ANAPC7: variants seen among roughly 807,000 people sequenced by gnomAD.
ANAPC7 encodes anaphase promoting complex subunit 7.
ANAPC7 carries 25 observed loss-of-function variants against 63.3 expected under a neutral mutation model. The observed-to-expected ratio is 0.39, with a 90% CI of 0.29 to 0.55. The LOEUF (loss-of-function observed/expected upper bound fraction) is 0.55, where lower values mean the gene tolerates loss of function less well. ANAPC7 is among the 20% of genes least tolerant of loss of function. The pLI, the probability that ANAPC7 is intolerant of heterozygous loss-of-function variation, is 0.57. For missense variants in ANAPC7, 516 were observed against 691.7 expected, an observed-to-expected ratio of 0.75 and a Z score of 2.85; for synonymous variants, 241 against 251.7, an observed-to-expected ratio of 0.96 and a Z score of 0.40.
chr12:110,382,463 T>TATATATATATAC (rs1882009614), intron 7 of ANAPC7, among the ~76,000 whole-genome samples: 2 of 77,244 alleles, frequency 2.6e-5, no homozygotes, highest in Admixed American at 1.5e-4. Context: ...AAAAAAAAAA[T>TATATATATATAC]ATATATATAT....
intron 1 of ANAPC7, among the ~76,000 whole-genome samples, chr12:110,403,153 T>C (rs932587493): frequency 2.0e-5 from 3 of 152,134 alleles, no homozygotes; most frequent in African/African-American, 7.2e-5. Flanking sequence ...GCTGGGTCCC[T>C]GAGCTGCAGC....
Position 110,381,116 on chromosome 12 carries a change from A to G in ANAPC7, c.1132+636T>C, listed in dbSNP as rs1881804143. 2.6e-5 allele frequency among the ~76,000 whole-genome samples: 4 copies of G among 151,886 alleles called. 1 individual carries two copies. The South Asian group carries it at 8.3e-4, about 32-fold the overall frequency. On this transcript the variant is annotated intron_variant, in intron 8 of 10. Coordinates refer to ENST00000455511, the MANE Select transcript of ANAPC7 (RefSeq NM_016238.3). ...CACCAAAAACCAGAAAAAAAATCAG[A>G]AAAAATGGATTATGAAAGTATGGGG...
At chr12:110,382,456 AAAAAAATATATAT>A (rs1395147851) in intron 7 of ANAPC7, among the ~76,000 whole-genome samples, 32 of 86,174 alleles carry the variant, frequency 3.7e-4, no homozygotes, top group African/African-American at 9.9e-4. Flanking sequence ...AAAAAAAAAA[AAAAAAATATATAT>A]ATATATATAT....
chr12:110,387,701 G>C, intron 5 of ANAPC7, 38 bp downstream of exon 5: 1 of 1,573,108 alleles, frequency 6.4e-7, no homozygotes, highest in Non-Finnish European at 8.7e-7. Context: ...GACAAGCAAA[G>C]GGCCTCAAGA....
intron 5 of ANAPC7, chr12:110,386,805 A>G (rs1882493777): frequency 5.3e-6 from 1 of 189,848 alleles, no homozygotes; most frequent in South Asian, 1.3e-4. Context: ...CACAAGCCCA[A>G]GTCTCTTCTT....
chr12:110,388,548 G>A lies in ANAPC7; in HGVS notation c.484C>T (p.Leu162=). The A allele has an allele frequency of 6.2e-7, 1 of 1,614,140 alleles. No individual in the cohort carries two copies. The highest frequency in any genetic ancestry group is 8.5e-7 in the Non-Finnish European group (1 of 1,180,010). The change falls in exon 4 of 11, where the codon CTG becomes TTG. Residue 162 remains leucine, a synonymous_variant. Coordinates refer to ENST00000455511, the MANE Select transcript of ANAPC7 (RefSeq NM_016238.3). ...RPSVTSYKEV[L]RQCPLALDAI... Reference sequence around the variant, plus strand: ...TCAAGGGCTAATGGGCACTGCCTCAGCACCTCCTTATAGCTGGTGACTGAA... The same window carrying A: ...TCAAGGGCTAATGGGCACTGCCTCAACACCTCCTTATAGCTGGTGACTGAA...
At chr12:110,378,592 C>T (rs1881517286) in intron 8 of ANAPC7, 1 of 152,318 alleles carries the variant, frequency 6.6e-6, no homozygotes, top group Non-Finnish European at 1.5e-5. Flanking sequence ...TGCCTCTTTC[C>T]ACACCCACAG....
chr12:110,383,875 CAAAAAAAAAAAAAAAAAAAAAAAGA>C, intron 6 of ANAPC7, among the ~76,000 whole-genome samples: 1 of 50,684 alleles, frequency 2.0e-5, no homozygotes, highest in South Asian at 8.6e-4. Context: ...GACTCCGTCT[CAAAAAAAAAAAAAAAAAAAAAAAGA>C]AAAAAAAAAG....
rs575928403 is a variant in ANAPC7 at position 110,382,221 on chromosome 12, A to G, written c.936-273T>C. On this transcript the variant is annotated intron_variant, in intron 7 of 10. Transcript: ENST00000455511. The stretch of plus-strand genomic sequence containing the variant: ...ATTAGTTATTAGCAGAGAGGCATTC[A>G]GAGAATTTGTAAAGCCAGGTTAATA... 4.0e-5 allele frequency among the ~76,000 whole-genome samples: 6 copies of G among 151,316 alleles called. No individual in the cohort carries two copies. The South Asian group carries it at 1.2e-3, about 31-fold the overall frequency.
intron 5 of ANAPC7, chr12:110,387,227 G>C (rs532348358): frequency 7.1e-5 from 10 of 141,738 alleles, no homozygotes; most frequent in African/African-American, 2.4e-4. Context: ...GAGAGAGAGA[G>C]AGAGAGAGAG....
chr12:110,395,293 A>T (rs1212092932), intron 2 of ANAPC7, 73 bp from the exon 3 acceptor site: 18 of 1,452,642 alleles, frequency 1.2e-5, no homozygotes, highest in Non-Finnish European at 1.5e-5. Flanking sequence ...CGTTAAACAT[A>T]GAGTTATCAT....
At chr12:110,399,862 A>G (rs952269582) in intron 1 of ANAPC7, among the ~76,000 whole-genome samples, 4 of 151,602 alleles carry the variant, frequency 2.6e-5, no homozygotes, top group Middle Eastern at 3.5e-3. Flanking sequence ...TTGGGAGGCC[A>G]AGGAGGGAGG....
chr12:110,374,905 A>G (rs1212574105), intron 10 of ANAPC7, among the ~76,000 whole-genome samples: 2 of 152,132 alleles, frequency 1.3e-5, no homozygotes, highest in East Asian at 3.9e-4. Flanking sequence ...GCTGAGTGTC[A>G]GTACATACGC....
chr12:110,389,951 C>G (rs1363087941), intron 3 of ANAPC7, among the ~76,000 whole-genome samples: 1 of 151,368 alleles, frequency 6.6e-6, no homozygotes, highest in Non-Finnish European at 1.5e-5. Flanking sequence ...CAAAAAAAAC[C>G]CACAAAAACA....
chr12:110,387,705 C>T lies in ANAPC7; in HGVS notation c.674+34G>A, dbSNP rs756804998. ...TCAGACTTCCAGACAAGCAAAGGGC[C>T]TCAAGAACACTGAATTAACTTTGTG... On this transcript the variant is annotated intron_variant, in intron 5 of 10. Coordinates refer to ENST00000455511, the MANE Select transcript of ANAPC7 (RefSeq NM_016238.3). 2.5e-6 allele frequency: 4 copies of T among 1,582,768 alleles called. No individual in the cohort carries two copies. The East Asian group carries it at 9.1e-5, about 36-fold the overall frequency.
chr12:110,395,173 A>G lies in ANAPC7; in HGVS notation c.336T>C (p.Tyr112=), dbSNP rs1883465110. 2 of 1,613,742 alleles carry G rather than the reference A, an allele frequency of 1.2e-6. No homozygotes were observed. Among genetic ancestry groups the G allele is most frequent in the East Asian group, 2.2e-5 (1 of 44,870 alleles). ...CATCTTTATCTTGTTTTAGCATTGT[A>G]TAACATTCAGCCATTTTGTATTTCA... ...IEVKYKMAEC[Y]TMLKQDKDAI... Residue 112 remains tyrosine (Y), a synonymous_variant, in exon 3 of 11, where the codon TAT becomes TAC. Transcript: ENST00000455511.
At chr12:110,399,640 T>C (rs1044848736) in intron 1 of ANAPC7, among the ~76,000 whole-genome samples, 3 of 151,926 alleles carry the variant, frequency 2.0e-5, no homozygotes, top group Non-Finnish European at 4.4e-5. Context: ...AATTGCATTA[T>C]TGTGGCCATG....
At position 110,382,457 on chromosome 12, in the gene ANAPC7, AAAAAAT is replaced by A. The variant is rs1411092699; in HGVS notation, c.935+380_935+385del. On this transcript the variant is annotated intron_variant, in intron 7 of 10. Transcript: ENST00000455511. ...TTATCCTTTTAAAAAAAAAAAAAAA[AAAAAAT>A]ATATATATATATATATATATATATA... is the stretch of plus-strand genomic sequence containing the variant. Among the ~76,000 whole-genome samples the A allele has an allele frequency of 2.7e-3, 174 of 65,198 alleles. 1 individual carries two copies. Among genetic ancestry groups the A allele is most frequent in the African/African-American group, 0.011 (155 of 14,512 alleles). The allele number at this position is 65,198 out of a possible 152,430, so 42.8% of individuals were successfully genotyped here.
intron 5 of ANAPC7, 42 bp from the exon 6 acceptor site, chr12:110,386,511 T>C (rs767997930): frequency 6.6e-7 from 1 of 1,521,568 alleles, no homozygotes; most frequent in South Asian, 1.2e-5. Context: ...AAATCTATTA[T>C]AAATCCTCTT....
Sources: gnomAD v4.1 joint callset for allele counts (sites outside exome capture counted in the v4.1 genomes callset) on GRCh38, gnomAD v4.1.1 for gene constraint, MANE v1.5 for transcripts, NCBI Gene and HGNC (gene_info 2026-07-23, HGNC 2026-07-21) for gene names.